FREM2: variants seen among roughly 807,000 people sequenced by gnomAD.
FREM2 encodes FRAS1-related extracellular matrix protein 2.
Under a neutral mutation model 219.9 loss-of-function variants are expected in FREM2, and 119 were observed. The observed-to-expected ratio is 0.54, with a 90% CI of 0.47 to 0.63. The LOEUF (loss-of-function observed/expected upper bound fraction) is 0.63, where lower values mean the gene tolerates loss of function less well. Ranked by LOEUF, FREM2 falls within the 30% of genes least tolerant of loss-of-function variation. The pLI is 0.00. For missense variants in FREM2, 4,030 were observed against 3,993.6 expected (o/e 1.01, Z -0.25); for synonymous variants, 1,562 against 1,522.8 (o/e 1.03, Z -0.60).
At position 38,848,577 on chromosome 13, in the gene FREM2, G is replaced by A; in HGVS notation, c.6286G>A (p.Glu2096Lys). The change falls in exon 8 of 24, where the codon GAG (glutamate) becomes AAG (lysine). Residue 2096 changes from glutamate (E) to lysine (K), a missense_variant. Glu to Lys is a moderately conservative substitution (Grantham distance 56). Transcript: ENST00000280481. ...DLGQPALEGIEKFELVLRMPM... is the reference protein window; with the variant it reads ...DLGQPALEGIKKFELVLRMPM... ...TGGACAACCAGCGCTGGAGGGAATT[G>A]AGAAATTTGAACTGGTGCTTCGCAT... 1.2e-6 allele frequency: 2 copies of A among 1,614,090 alleles called. No individual in the cohort carries two copies. Among genetic ancestry groups the A allele is most frequent in the African/African-American group, 1.3e-5 (1 of 75,036 alleles).
At chr13:38,777,013 G>T (rs1002673205) in intron 4 of FREM2, among the ~76,000 whole-genome samples, 1 of 151,558 alleles carries the variant, frequency 6.6e-6, no homozygotes, top group African/African-American at 2.4e-5. Flanking sequence ...TTTGACATGT[G>T]TACTTTTATA....
At chr13:38,834,849 C>T (rs1464642393) in intron 6 of FREM2, among the ~76,000 whole-genome samples, 3 of 152,272 alleles carry the variant, frequency 2.0e-5, no homozygotes, top group Admixed American at 1.3e-4. Flanking sequence ...TGGACACTAG[C>T]CCTTTATCAG....
Position 38,880,362 on chromosome 13 carries a change from A to C in FREM2, c.9085A>C (p.Lys3029Gln). The C allele has an allele frequency of 6.2e-7, 1 of 1,614,154 alleles. No homozygotes were observed. The highest frequency in any genetic ancestry group is 8.5e-7 in the Non-Finnish European group (1 of 1,180,020). The stretch of plus-strand genomic sequence containing the variant: ...AGACAATGCCAATCGAGGTATTGGC[A>C]AAAGAAGTGTGGAGTACCATTCTCT... ...SKDNANRGIG[K>Q]RSVEYHSLVS... The change falls in exon 24 of 24, where the codon AAA becomes CAA. Residue 3029 changes from lysine (K) to glutamine (Q), a missense_variant. This residue lies in a region of FREM2 where 928 missense variants were observed against 1,042.9 expected (regional missense o/e 0.89). Coordinates refer to ENST00000280481, the MANE Select transcript of FREM2 (RefSeq NM_207361.6).
intron 2 of FREM2, among the ~76,000 whole-genome samples, chr13:38,733,765 C>A (rs955944196): frequency 6.6e-6 from 1 of 152,130 alleles, no homozygotes. Context: ...GCCTTGGCCT[C>A]CCAAAGTGCT....
intron 2 of FREM2, among the ~76,000 whole-genome samples, chr13:38,718,292 C>G (rs1871090295): frequency 6.6e-6 from 1 of 152,102 alleles, no homozygotes; most frequent in Non-Finnish European, 1.5e-5. Flanking sequence ...CTAAATGAAT[C>G]TTATCTAGTT....
intron 6 of FREM2, among the ~76,000 whole-genome samples, chr13:38,787,521 G>A (rs1380964732): frequency 1.3e-5 from 2 of 151,848 alleles, no homozygotes; most frequent in African/African-American, 4.8e-5. Context: ...ACCCAAAAAT[G>A]TTGACAGCAA....
intron 2 of FREM2, among the ~76,000 whole-genome samples, chr13:38,710,396 A>G (rs1423040632): frequency 4.6e-5 from 7 of 152,200 alleles, no homozygotes; most frequent in African/African-American, 7.2e-5. Context: ...AGGTGAATCT[A>G]TGTACTTCAG....
rs111439159 is a variant in FREM2, at chr13:38,809,787, T to C, written c.6019+24979T>C. 6.1e-3 allele frequency among the ~76,000 whole-genome samples: 922 copies of C among 152,268 alleles called. 3 individuals are homozygous for C. Among genetic ancestry groups the C allele is most frequent in the African/African-American group, 0.021 (891 of 41,586 alleles). ...TGTGATTCCTTCAGTTTTGTTCTTT[T>C]GCTCAGGAAAGATTTAGCTATTCTG... On this transcript the variant is annotated intron_variant, in intron 6 of 23. Transcript: ENST00000280481.
At chr13:38,824,158 T>C (rs1368737615) in intron 6 of FREM2, among the ~76,000 whole-genome samples, 1 of 152,122 alleles carries the variant, frequency 6.6e-6, no homozygotes, top group Non-Finnish European at 1.5e-5. Context: ...TATGTTATGA[T>C]GATTTTATGT....
At chr13:38,791,929 T>C (rs1025078777) in intron 6 of FREM2, among the ~76,000 whole-genome samples, 1 of 152,256 alleles carries the variant, frequency 6.6e-6, no homozygotes, top group Non-Finnish European at 1.5e-5. Flanking sequence ...CATCTACTTT[T>C]ATCATACTGT....
chr13:38,859,741 G>T, intron 14 of FREM2, 151 bp downstream of exon 14: 1 of 817,338 alleles, frequency 1.2e-6, no homozygotes, highest in Non-Finnish European at 2.0e-6. Flanking sequence ...ACAAAATTAT[G>T]TATTAGAAAA....
chr13:38,716,857 T>C (rs1235575647), intron 2 of FREM2, among the ~76,000 whole-genome samples: 1 of 152,170 alleles, frequency 6.6e-6, no homozygotes, highest in Non-Finnish European at 1.5e-5. Flanking sequence ...CACACACACT[T>C]TACATACATA....
rs1256888933 is a variant in FREM2, at chr13:38,783,867, C to T, written c.5767+672C>T. Among the ~76,000 whole-genome samples, 8 of 152,230 alleles carry T rather than the reference C, an allele frequency of 5.3e-5. No homozygotes were observed. The Middle Eastern group carries it at 0.014, about 259-fold the overall frequency. On this transcript the variant is annotated intron_variant, in intron 5 of 23. Transcript: ENST00000280481. Reference sequence around the variant, plus strand: ...ATCCCAGCACTTTGGGAGGCCGAGGCGGGTGGATCACGAGATCAGGAGTTC... The same window carrying T: ...ATCCCAGCACTTTGGGAGGCCGAGGTGGGTGGATCACGAGATCAGGAGTTC...
chr13:38,779,273 T>C (rs911500501), intron 4 of FREM2, among the ~76,000 whole-genome samples: 1 of 152,068 alleles, frequency 6.6e-6, no homozygotes, highest in Non-Finnish European at 1.5e-5. Flanking sequence ...AAATACCTAA[T>C]GCATGCAGGG....
In FREM2 at chr13:38,690,845, T is replaced by G; in HGVS notation, c.3501T>G (p.Cys1167Trp). Reference sequence around the variant, plus strand: ...TGGAGGACCGATTTGTATTTCGTTGTTCTGATGGCATTAACTTTTCAGAGA... The same window carrying G: ...TGGAGGACCGATTTGTATTTCGTTGGTCTGATGGCATTAACTTTTCAGAGA... ...EPVEDRFVFR[C>W]SDGINFSERQ... Residue 1167 changes from cysteine (C) to tryptophan (W), a missense_variant, in exon 1 of 24, where the codon TGT (cysteine) becomes TGG (tryptophan). Physicochemically the swap from Cys to Trp is radical, Grantham distance 215 (BLOSUM62 -2). Coordinates refer to ENST00000280481, the MANE Select transcript of FREM2 (RefSeq NM_207361.6). 1 of 1,614,216 alleles carries G rather than the reference T, an allele frequency of 6.2e-7. No individual in the cohort carries two copies. Among genetic ancestry groups the G allele is most frequent in the Admixed American group, 1.7e-5 (1 of 60,030 alleles).
At chr13:38,699,524 G>A (rs1015512270) in intron 2 of FREM2, among the ~76,000 whole-genome samples, 1 of 152,078 alleles carries the variant, frequency 6.6e-6, no homozygotes, top group Non-Finnish European at 1.5e-5. Flanking sequence ...TCCAAAGATT[G>A]TCTTTATGGA....
At chr13:38,783,473 TAAAAAAA>T (rs141521145) in intron 5 of FREM2, among the ~76,000 whole-genome samples, 9 of 124,050 alleles carry the variant, frequency 7.3e-5, no homozygotes, top group South Asian at 2.7e-4. Flanking sequence ...GGTTACTATA[TAAAAAAA>T]AAAAAAAAAA....
Position 38,773,105 on chromosome 13 carries a change from T to C in FREM2, c.5641+3297T>C, listed in dbSNP as rs1006955011. Among the ~76,000 whole-genome samples the C allele has an allele frequency of 4.6e-5, 7 of 152,310 alleles. No homozygotes were observed. The East Asian group carries it at 1.3e-3, about 29-fold the overall frequency. On this transcript the variant is annotated intron_variant, in intron 4 of 23. Coordinates refer to ENST00000280481, the MANE Select transcript of FREM2 (RefSeq NM_207361.6). ...TCCATATATTTTTTAAATTATATAG[T>C]TGTTATATAGGTGAAGATTTTAAAT...
chr13:38,837,388 A>G (rs1386596715), intron 6 of FREM2, among the ~76,000 whole-genome samples: 2 of 152,156 alleles, frequency 1.3e-5, no homozygotes, highest in Admixed American at 1.3e-4. Context: ...AATACATGCT[A>G]TGTGGTGCTG....
Sources: gnomAD v4.1 joint callset for allele counts (sites outside exome capture counted in the v4.1 genomes callset) on GRCh38, gnomAD v4.1.1 for gene constraint, gnomAD v4.1.1 regional missense constraint, MANE v1.5 for transcripts, NCBI Gene and HGNC (gene_info 2026-07-23, HGNC 2026-07-21) for gene names.